Variants in SDK1 observed in about 807,000 individuals in gnomAD.
SDK1 encodes the protein sidekick cell adhesion molecule 1.
SDK1 carries 157 observed loss-of-function variants against 245.5 expected under a neutral mutation model. The observed-to-expected ratio is 0.64, with a 90% CI of 0.56 to 0.73. The LOEUF (loss-of-function observed/expected upper bound fraction) is 0.73. SDK1 is among the 30% of genes least tolerant of loss of function. The probability of loss-of-function intolerance (pLI) is 0.00; values close to 1 mark genes in which losing one functional copy is unlikely to be tolerated. For missense variants in SDK1, 3,583 were observed against 3,002.3 expected (o/e 1.19, Z -4.52); for synonymous variants, 1,647 against 1,278.5 (o/e 1.29, Z -6.15).
At chr7:3,502,982 C>A (rs1162382583) in intron 1 of SDK1, among the ~76,000 whole-genome samples, 1 of 152,032 alleles carries the variant, frequency 6.6e-6, no homozygotes, top group Non-Finnish European at 1.5e-5. Flanking sequence ...TTTTGTTGTT[C>A]TTGGAATTAC....
intron 4 of SDK1, among the ~76,000 whole-genome samples, chr7:3,764,876 T>C (rs1780208951): frequency 6.6e-6 from 1 of 152,114 alleles, no homozygotes; most frequent in African/African-American, 2.4e-5. Context: ...ATTAAAGGCA[T>C]TTTTAAAAAT....
At chr7:4,014,274 T>C (rs1452554643) in intron 16 of SDK1, among the ~76,000 whole-genome samples, 3 of 152,176 alleles carry the variant, frequency 2.0e-5, no homozygotes, top group African/African-American at 7.2e-5. Context: ...GGACTGCACA[T>C]TTCTCTGTTT....
At chr7:3,919,771 T>G (rs898342986) in intron 5 of SDK1, among the ~76,000 whole-genome samples, 2 of 152,118 alleles carry the variant, frequency 1.3e-5, no homozygotes, top group African/African-American at 4.8e-5. Context: ...TGTAATTAAT[T>G]CATTAGGACC....
chr7:3,315,016 G>T (rs940715368), intron 1 of SDK1, among the ~76,000 whole-genome samples: 9 of 152,104 alleles, frequency 5.9e-5, no homozygotes, highest in Non-Finnish European at 1.2e-4. Flanking sequence ...GAGCAAGCTG[G>T]GTTGGCTAGA....
chr7:3,684,194 C>G (rs1442680022), intron 4 of SDK1, among the ~76,000 whole-genome samples: 5 of 152,166 alleles, frequency 3.3e-5, no homozygotes, highest in Non-Finnish European at 4.4e-5. Context: ...AAGCCTCTAC[C>G]CCAACTCAGC....
rs1779262361 is a variant in SDK1 at position 3,301,661 on chromosome 7, C to CG, written c.78dup (p.Arg27AlafsTer75). 1.0e-6 allele frequency: 1 copy of CG among 974,868 alleles called. No individual in the cohort carries two copies. Among genetic ancestry groups the CG allele is most frequent in the Non-Finnish European group, 1.2e-6 (1 of 825,120 alleles). The allele number at this position is 974,868 out of a possible 1,614,324, so 60.4% of individuals were successfully genotyped here. A position where few individuals can be genotyped will look rare whatever the true frequency, so the allele number is the denominator to read the frequency against. On this transcript the variant is annotated frameshift_variant, in exon 1 of 45. Transcript: ENST00000404826. LOFTEE classifies it high-confidence loss of function. ...CGGAGCCCCCTGAGCGCGCGGGCCC[C>CG]GGGCGGCCGCGGGGATCCCCGCCCG...
At chr7:3,593,069 T>A (rs939324792) in intron 1 of SDK1, among the ~76,000 whole-genome samples, 3 of 152,234 alleles carry the variant, frequency 2.0e-5, no homozygotes, top group Non-Finnish European at 2.9e-5. Flanking sequence ...AAGAGAATTT[T>A]GCCTCTGTCC....
intron 41 of SDK1, 116 bp downstream of exon 41, chr7:4,233,535 G>A (rs537242900): frequency 6.2e-5 from 62 of 992,500 alleles, no homozygotes; most frequent in East Asian, 5.6e-4. Flanking sequence ...AAATGGGGTC[G>A]AGGGGGACCC....
intron 1 of SDK1, among the ~76,000 whole-genome samples, chr7:3,468,888 T>C (rs886896484): frequency 5.3e-5 from 8 of 152,180 alleles, no homozygotes; most frequent in Non-Finnish European, 1.0e-4. Flanking sequence ...TCATCAGTGA[T>C]TTTTAGCATA....
intron 5 of SDK1, among the ~76,000 whole-genome samples, chr7:3,902,544 C>T (rs1255928867): frequency 6.6e-6 from 1 of 151,862 alleles, no homozygotes; most frequent in Non-Finnish European, 1.5e-5. Context: ...TTTTTTTTTC[C>T]TCTTCCATTT....
rs375214216 is a variant in SDK1, at chr7:4,114,069, C to T, written c.3618C>T (p.Pro1206=). ...CGGATTCTCAGTACAACGGGAACCC[C>T]GAGTCCGTGGGCTACAGGATTAAGT... ...PLPDSQYNGN[P]ESVGYRIKYW... Residue 1206 remains proline, a synonymous_variant, in exon 25 of 45, where the codon CCC becomes CCT. Transcript: ENST00000404826. 1.1e-5 allele frequency: 17 copies of T among 1,614,060 alleles called. No individual in the cohort carries two copies. The highest frequency in any genetic ancestry group is 8.0e-5 in the African/African-American group (6 of 74,934).
chr7:4,018,323 T>C (rs988086305), intron 17 of SDK1, among the ~76,000 whole-genome samples: 1 of 152,238 alleles, frequency 6.6e-6, no homozygotes, highest in Non-Finnish European at 1.5e-5. Context: ...TAATGTTCCT[T>C]GATATTACAT....
intron 4 of SDK1, among the ~76,000 whole-genome samples, chr7:3,649,057 C>G (rs1403620430): frequency 6.6e-6 from 1 of 152,160 alleles, no homozygotes; most frequent in Non-Finnish European, 1.5e-5. Context: ...GTGCCAGCCA[C>G]TGTTCTGCTT....
chr7:3,822,775 A>G (rs1297374619), intron 5 of SDK1, among the ~76,000 whole-genome samples: 1 of 141,558 alleles, frequency 7.1e-6, no homozygotes, highest in Non-Finnish European at 1.5e-5. Context: ...TCTCAAAAAG[A>G]AAAAAAAAAA....
At chr7:3,543,524 A>G (rs1331319484) in intron 1 of SDK1, among the ~76,000 whole-genome samples, 1 of 152,154 alleles carries the variant, frequency 6.6e-6, no homozygotes, top group Non-Finnish European at 1.5e-5. Flanking sequence ...TGCAGGGGCC[A>G]CCTCTACTCG....
At position 4,077,159 on chromosome 7, in the gene SDK1, TCATC is replaced by T; in HGVS notation, c.3175_3178del (p.Ser1059ProfsTer89). On this transcript the variant is annotated frameshift_variant, in exon 21 of 45. Coordinates refer to ENST00000404826, the MANE Select transcript of SDK1 (RefSeq NM_152744.4). LOFTEE classifies it high-confidence loss of function. ...TGCCGTGGGCACTGGCCTGGTGACT[TCATC>T]CACCATTTCTTCTGGAGTGCCCCCA... The T allele has an allele frequency of 6.2e-7, 1 of 1,614,226 alleles. No homozygotes were observed. Among genetic ancestry groups the T allele is most frequent in the Non-Finnish European group, 8.5e-7 (1 of 1,180,044 alleles).
intron 1 of SDK1, among the ~76,000 whole-genome samples, chr7:3,353,517 T>A (rs538682732): frequency 3.3e-5 from 5 of 152,344 alleles, no homozygotes; most frequent in Admixed American, 3.3e-4. Flanking sequence ...CTGTTTATGC[T>A]CTTTGTAAAA....
intron 1 of SDK1, among the ~76,000 whole-genome samples, chr7:3,326,316 G>A (rs1779939850): frequency 2.6e-5 from 4 of 152,052 alleles, no homozygotes; most frequent in Admixed American, 2.6e-4. Flanking sequence ...ATGCTGTTTT[G>A]TATTCTCTCA....
intron 4 of SDK1, among the ~76,000 whole-genome samples, chr7:3,810,645 A>G (rs532943851): frequency 6.6e-6 from 1 of 152,344 alleles, no homozygotes; most frequent in East Asian, 1.9e-4. Flanking sequence ...TAAATCCTTC[A>G]CTAGTTACAT....
Sources: allele counts gnomAD v4.1 joint callset (sites outside exome capture counted in the v4.1 genomes callset), GRCh38; gene constraint gnomAD v4.1.1; transcripts MANE v1.5; gene names NCBI Gene and HGNC (gene_info 2026-07-23, HGNC 2026-07-21).